ADAMTS17: variants seen among roughly 807,000 people sequenced by gnomAD.
The protein encoded by ADAMTS17 is ADAM metallopeptidase with thrombospondin type 1 motif 17, also known as A disintegrin and metalloproteinase with thrombospondin motifs 17.
Under a neutral mutation model 141.5 loss-of-function variants are expected in ADAMTS17, and 113 were observed. That is an observed-to-expected ratio of 0.80 (90% CI 0.69 to 0.93). The LOEUF (loss-of-function observed/expected upper bound fraction) is 0.93, where lower values mean the gene tolerates loss of function less well. Among genes scored for constraint, ADAMTS17 ranks in the 40% least tolerant of loss-of-function variants. The pLI is 0.00. For synonymous variants in ADAMTS17, 768 were observed against 630.6 expected (o/e 1.22, Z -3.27); for missense variants, 1,659 against 1,517.9 (o/e 1.09, Z -1.54).
rs777861691 is a variant in ADAMTS17 at position 100,262,400 on chromosome 15, A to C, written c.825T>G (p.Ile275Met). 2 of 1,613,908 alleles carry C rather than the reference A, an allele frequency of 1.2e-6. No homozygotes were observed. The highest frequency in any genetic ancestry group is 1.7e-6 in the Non-Finnish European group (2 of 1,179,966). ...GCTTGGTCACTTGAATGTTAATTTT[A>C]ATCCCCAGGCTCTGGTGCTGAAACA... ...YNMFQHQSLG[I>M]KINIQVTKLV... The change falls in exon 5 of 22, where the codon ATT (isoleucine) becomes ATG (methionine). Residue 275 changes from isoleucine to methionine, a missense_variant. Physicochemically the swap from Ile to Met is conservative, Grantham distance 10. Coordinates refer to ENST00000268070, the MANE Select transcript of ADAMTS17 (RefSeq NM_139057.4).
rs778433713 is a variant in ADAMTS17, at chr15:100,341,248, G to A, written c.241C>T (p.Leu81=). ...APRARPGERA[L]LLHLPAFGRD... is the part of the protein sequence containing the mutation. ...CCGAAGGCCGGCAGGTGCAGCAGCAGGGCGCGCTCTCCGGGCCGGGCGCGC... is the reference window on the plus strand; with the variant it reads ...CCGAAGGCCGGCAGGTGCAGCAGCAAGGCGCGCTCTCCGGGCCGGGCGCGC... Residue 81 remains leucine, a synonymous_variant, in exon 2 of 22, where the codon CTG becomes TTG. Transcript: ENST00000268070. 44 of 1,358,980 alleles carry A rather than the reference G, an allele frequency of 3.2e-5. No homozygotes were observed. Among genetic ancestry groups the A allele is most frequent in the Non-Finnish European group, 3.8e-5 (40 of 1,053,266 alleles). 84.2% of individuals were successfully genotyped at this position (1,358,980 alleles called of 1,614,324 possible). A position where few individuals can be genotyped will look rare whatever the true frequency, so the allele number is the denominator to read the frequency against.
At chr15:100,181,439 C>T (rs991938308) in intron 8 of ADAMTS17, among the ~76,000 whole-genome samples, 1 of 152,216 alleles carries the variant, frequency 6.6e-6, no homozygotes, top group Non-Finnish European at 1.5e-5. Flanking sequence ...GAAGCCACCA[C>T]ATCTCAGAGT....
At chr15:100,015,640 G>T (rs975934328) in intron 18 of ADAMTS17, among the ~76,000 whole-genome samples, 1 of 152,158 alleles carries the variant, frequency 6.6e-6, no homozygotes, top group Non-Finnish European at 1.5e-5. Context: ...ACTTTTGCTG[G>T]AAACAAAATA....
chr15:100,206,018 C>T (rs1247875971), intron 7 of ADAMTS17, among the ~76,000 whole-genome samples: 2 of 152,232 alleles, frequency 1.3e-5, no homozygotes, highest in African/African-American at 2.4e-5. Context: ...TCACCTGTCA[C>T]AGCTGAGGGC....
intron 12 of ADAMTS17, chr15:100,128,741 GCGAGAGTA>G (rs1219740055): frequency 6.6e-6 from 1 of 152,238 alleles, no homozygotes; most frequent in Non-Finnish European, 1.5e-5. Flanking sequence ...GGCCAGGCCA[GCGAGAGTA>G]CGAGAGTACA....
At chr15:100,194,866 A>G (rs989272670) in intron 8 of ADAMTS17, among the ~76,000 whole-genome samples, 1 of 152,132 alleles carries the variant, frequency 6.6e-6, no homozygotes, top group Non-Finnish European at 1.5e-5. Flanking sequence ...TCAGCGGGTA[A>G]AAGATGCCTG....
At chr15:100,090,124 C>G (rs189358789) in intron 15 of ADAMTS17, among the ~76,000 whole-genome samples, 69 of 152,188 alleles carry the variant, frequency 4.5e-4, no homozygotes, top group Admixed American at 1.5e-3. Context: ...ACAAAATATT[C>G]TACAGCAAAT....
chr15:100,075,358 G>C (rs976277435), intron 15 of ADAMTS17, among the ~76,000 whole-genome samples: 10 of 152,154 alleles, frequency 6.6e-5, no homozygotes, highest in South Asian at 2.1e-4. Flanking sequence ...TTCCCTTTGA[G>C]ATGGGCTTAT....
In ADAMTS17 at chr15:100,057,906, G is replaced by A. The variant is rs77181855; in HGVS notation, c.2138-3852C>T. 9.7e-3 allele frequency among the ~76,000 whole-genome samples: 1,481 copies of A among 152,242 alleles called. 26 individuals are homozygous for A. Among genetic ancestry groups the A allele is most frequent in the African/African-American group, 0.034 (1,413 of 41,520 alleles). ...GGATCCAGCAGTGCCTGAAGCTGGT[G>A]CTCAGCAACTGAGAGCTGGGTTTGG... is the stretch of plus-strand genomic sequence containing the variant. On this transcript the variant is annotated intron_variant, in intron 15 of 21. Transcript: ENST00000268070.
At chr15:100,306,043 C>T (rs1034813611) in intron 3 of ADAMTS17, 1 of 160,416 alleles carries the variant, frequency 6.2e-6, no homozygotes, top group Non-Finnish European at 1.4e-5. Flanking sequence ...CACCAATGTC[C>T]AAAGCTGGGC....
chr15:100,140,284 C>G (rs1340868255), intron 10 of ADAMTS17, among the ~76,000 whole-genome samples: 1 of 152,176 alleles, frequency 6.6e-6, no homozygotes, highest in Non-Finnish European at 1.5e-5. Flanking sequence ...GCATGAGCCA[C>G]TGTGCCTGGC....
At chr15:100,206,398 C>T (rs964797655) in intron 7 of ADAMTS17, among the ~76,000 whole-genome samples, 1 of 152,200 alleles carries the variant, frequency 6.6e-6, no homozygotes, top group East Asian at 1.9e-4. Context: ...GAGGGTGATG[C>T]CCACACTCAC....
At chr15:100,079,218 G>C (rs2034574219) in intron 15 of ADAMTS17, among the ~76,000 whole-genome samples, 1 of 152,168 alleles carries the variant, frequency 6.6e-6, no homozygotes, top group African/African-American at 2.4e-5. Flanking sequence ...CAAGGGAAAT[G>C]AAAACATGTC....
At chr15:100,118,271 A>C (rs1264137055) in intron 12 of ADAMTS17, among the ~76,000 whole-genome samples, 1 of 152,204 alleles carries the variant, frequency 6.6e-6, no homozygotes, top group Non-Finnish European at 1.5e-5. Flanking sequence ...CTTTATAAAC[A>C]CCTGGTGGTA....
chr15:100,274,147 T>G (rs993952089), intron 4 of ADAMTS17, among the ~76,000 whole-genome samples: 3 of 152,184 alleles, frequency 2.0e-5, no homozygotes, highest in African/African-American at 7.2e-5. Context: ...GAAAAAAAAG[T>G]CTTCCATTGT....
intron 14 of ADAMTS17, among the ~76,000 whole-genome samples, chr15:100,099,701 C>G (rs1161155780): frequency 6.6e-6 from 1 of 152,128 alleles, no homozygotes; most frequent in Non-Finnish European, 1.5e-5. Context: ...ACCAAAGGAC[C>G]AAGGAACAAT....
At chr15:100,072,785 A>G (rs1317577856) in intron 15 of ADAMTS17, among the ~76,000 whole-genome samples, 1 of 152,224 alleles carries the variant, frequency 6.6e-6, no homozygotes, top group Non-Finnish European at 1.5e-5. Context: ...TAAATGTTAG[A>G]TCTAAAACCA....
intron 8 of ADAMTS17, among the ~76,000 whole-genome samples, chr15:100,184,419 C>T (rs186970203): frequency 2.0e-4 from 31 of 152,328 alleles, no homozygotes; most frequent in African/African-American, 6.5e-4. Flanking sequence ...TTCTTCTTTC[C>T]ATCTTTCATT....
At chr15:100,259,817 G>C (rs1385693539) in intron 6 of ADAMTS17, among the ~76,000 whole-genome samples, 1 of 152,146 alleles carries the variant, frequency 6.6e-6, no homozygotes, top group African/African-American at 2.4e-5. Flanking sequence ...GCAATGGGTG[G>C]TGGCATTGTG....
Sources: gnomAD v4.1 joint callset for allele counts (sites outside exome capture counted in the v4.1 genomes callset) on GRCh38, gnomAD v4.1.1 for gene constraint, MANE v1.5 for transcripts, NCBI Gene and HGNC (gene_info 2026-07-23, HGNC 2026-07-21) for gene names.